Variants in SYT2 observed in about 807,000 individuals in gnomAD.
SYT2 encodes the protein synaptotagmin 2.
SYT2 carries 15 observed loss-of-function variants against 39.9 expected under a neutral mutation model. The observed-to-expected ratio is 0.38, with a 90% confidence interval of 0.25 to 0.58. The LOEUF is 0.58. Ranked by LOEUF, SYT2 falls within the 20% of genes least tolerant of loss-of-function variation. The pLI is 0.70. For synonymous variants in SYT2, 181 were observed against 204.5 expected (o/e 0.89, Z 0.98); for missense variants, 389 against 530.3 (o/e 0.73, Z 2.62).
At position 202,596,199 on chromosome 1, in the gene SYT2, G is replaced by T. The variant is rs982947095; in HGVS notation, c.*558C>A. ...ACTTTACTGTCCATGGCTCATTCCA[G>T]GAATGAAGAGAGATGCTCAAAGAGA... On this transcript the variant is annotated 3_prime_UTR_variant, in exon 9 of 9. Coordinates refer to ENST00000367268, the MANE Select transcript of SYT2 (RefSeq NM_177402.5). 6.6e-6 allele frequency: 1 copy of T among 151,130 alleles called. No homozygotes were observed. Among genetic ancestry groups the T allele is most frequent in the African/African-American group, 2.4e-5 (1 of 40,938 alleles). 9.4% of individuals were successfully genotyped at this position (151,130 alleles called of 1,614,324 possible).
chr1:202,653,207 C>G (rs1692222938), intron 1 of SYT2, among the ~76,000 whole-genome samples: 1 of 152,166 alleles, frequency 6.6e-6, no homozygotes, highest in Non-Finnish European at 1.5e-5. Context: ...TCTCATGCCT[C>G]TGTCCCCAAC....
chr1:202,627,357 TG>T, intron 1 of SYT2: 3 of 678,004 alleles, frequency 4.4e-6, no homozygotes, highest in Non-Finnish European at 5.5e-6. Context: ...ATGGAGGAGG[TG>T]GGGGATCTCA....
At chr1:202,678,118 A>G (rs887715218) in intron 1 of SYT2, among the ~76,000 whole-genome samples, 1 of 152,024 alleles carries the variant, frequency 6.6e-6, no homozygotes, top group Non-Finnish European at 1.5e-5. Flanking sequence ...GACTAAAAAT[A>G]CAATAATTAG....
chr1:202,665,215 GACA>G (rs1275646750), intron 1 of SYT2, among the ~76,000 whole-genome samples: 3 of 152,200 alleles, frequency 2.0e-5, no homozygotes, highest in Admixed American at 6.5e-5. Context: ...GGGCAACAAT[GACA>G]ACAACAGAAC....
Position 202,648,570 on chromosome 1 carries a change from G to A in SYT2, c.-17-42781C>T, listed in dbSNP as rs191636647. Reference sequence around the variant, plus strand: ...GGACCAGACAGTTTATATATGTTGCGTGGGGCAAGGCATCCAGGATGGGTT... The same window carrying A: ...GGACCAGACAGTTTATATATGTTGCATGGGGCAAGGCATCCAGGATGGGTT... On this transcript the variant is annotated intron_variant, in intron 1 of 8. Coordinates refer to ENST00000367268, the MANE Select transcript of SYT2 (RefSeq NM_177402.5). 2.4e-3 allele frequency among the ~76,000 whole-genome samples: 371 copies of A among 152,254 alleles called. 1 individual carries two copies. Among genetic ancestry groups the A allele is most frequent in the South Asian group, 0.021 (103 of 4,818 alleles).
intron 1 of SYT2, among the ~76,000 whole-genome samples, chr1:202,645,260 ACT>A (rs1692057424): frequency 6.6e-6 from 1 of 152,160 alleles, no homozygotes; most frequent in South Asian, 2.1e-4. Context: ...GTCATCCCAC[ACT>A]GAGGAGGGGA....
intron 1 of SYT2, among the ~76,000 whole-genome samples, chr1:202,688,039 G>A (rs569123536): frequency 3.9e-5 from 6 of 152,276 alleles, no homozygotes; most frequent in Admixed American, 2.6e-4. Context: ...TCTGGTCAGC[G>A]CAGCCCCTCC....
intron 1 of SYT2, among the ~76,000 whole-genome samples, chr1:202,693,581 G>T (rs1479949705): frequency 6.6e-6 from 1 of 152,184 alleles, no homozygotes; most frequent in African/African-American, 2.4e-5. Context: ...ATGTGTAACA[G>T]GATTTGGGGC....
Position 202,670,897 on chromosome 1 carries a change from T to A in SYT2, c.-18+39361A>T, listed in dbSNP as rs1223134816. Among the ~76,000 whole-genome samples the A allele has an allele frequency of 2.0e-5, 3 of 152,232 alleles. No individual in the cohort carries two copies. The South Asian group carries it at 6.2e-4, about 32-fold the overall frequency. ...TGATAAAACAAGGAGAATAACTGAT[T>A]TAACGACCTGTGGATGGGGCTGGAT... On this transcript the variant is annotated intron_variant, in intron 1 of 8. Transcript: ENST00000367268.
At chr1:202,700,176 A>G (rs1654077144) in intron 1 of SYT2, among the ~76,000 whole-genome samples, 1 of 152,116 alleles carries the variant, frequency 6.6e-6, no homozygotes, top group Non-Finnish European at 1.5e-5. Context: ...CCCAGAGGCC[A>G]CCTGGAAGCC....
intron 1 of SYT2, among the ~76,000 whole-genome samples, chr1:202,685,224 C>T (rs1036712016): frequency 6.6e-6 from 1 of 152,178 alleles, no homozygotes; most frequent in Non-Finnish European, 1.5e-5. Context: ...ATTCATCATT[C>T]TCTTGGTACA....
At chr1:202,687,984 C>T (rs1653715607) in intron 1 of SYT2, among the ~76,000 whole-genome samples, 1 of 152,136 alleles carries the variant, frequency 6.6e-6, no homozygotes, top group South Asian at 2.1e-4. Context: ...GGGATGGAGG[C>T]GGTGCCCTGG....
Position 202,605,505 on chromosome 1 carries a change from G to A in SYT2, c.178+90C>T. 6 of 1,276,912 alleles carry A rather than the reference G, an allele frequency of 4.7e-6. No individual in the cohort carries two copies. In the South Asian group the frequency reaches 8.4e-5, roughly 18 times the overall value. 79.1% of individuals were successfully genotyped at this position (1,276,912 alleles called of 1,614,324 possible). A position where few individuals can be genotyped will look rare whatever the true frequency, so the allele number is the denominator to read the frequency against. On this transcript the variant is annotated intron_variant, in intron 2 of 8. Transcript: ENST00000367268. Reference sequence around the variant, plus strand: ...AATCTAAGCATTAGGAAAGAGCCCAGCCAATCACATCCCAGTGGTATCCCC... The same window carrying A: ...AATCTAAGCATTAGGAAAGAGCCCAACCAATCACATCCCAGTGGTATCCCC...
At chr1:202,686,712 G>A (rs1311582016) in intron 1 of SYT2, among the ~76,000 whole-genome samples, 1 of 152,088 alleles carries the variant, frequency 6.6e-6, no homozygotes, top group South Asian at 2.1e-4. Flanking sequence ...TCCCAAACAG[G>A]CCCCTGATGC....
At chr1:202,610,904 T>G (rs1264377090) in intron 1 of SYT2, among the ~76,000 whole-genome samples, 3 of 151,964 alleles carry the variant, frequency 2.0e-5, no homozygotes, top group Non-Finnish European at 4.4e-5. Context: ...CTGCCCAAGG[T>G]AATTTATAGA....
At chr1:202,674,080 G>A (rs4950867) in intron 1 of SYT2, among the ~76,000 whole-genome samples, 79,262 of 151,908 alleles carry the variant, frequency 0.52, 23,516 homozygotes, top group East Asian at 0.77. Flanking sequence ...CTGAACAATG[G>A]GAGAGCACAG....
chr1:202,668,446 A>G (rs1692521211), intron 1 of SYT2, among the ~76,000 whole-genome samples: 1 of 152,200 alleles, frequency 6.6e-6, no homozygotes, highest in Admixed American at 6.5e-5. Flanking sequence ...GTAGTTTGTT[A>G]AGAGTGAAAA....
intron 1 of SYT2, among the ~76,000 whole-genome samples, chr1:202,659,601 C>T (rs572611413): frequency 1.3e-5 from 2 of 152,356 alleles, no homozygotes; most frequent in African/African-American, 2.4e-5. Flanking sequence ...CTGCAGTCTC[C>T]GTCCTGGCTC....
chr1:202,596,572 ACT>A lies in SYT2; in HGVS notation c.*183_*184del, dbSNP rs938767917. 4.0e-5 allele frequency: 24 copies of A among 601,436 alleles called. No homozygotes were observed. Among genetic ancestry groups the A allele is most frequent in the African/African-American group, 3.9e-4 (21 of 53,536 alleles). The allele number at this position is 601,436 out of a possible 1,614,324, so 37.3% of individuals were successfully genotyped here. On this transcript the variant is annotated 3_prime_UTR_variant, in exon 9 of 9. Coordinates refer to ENST00000367268, the MANE Select transcript of SYT2 (RefSeq NM_177402.5). Reference sequence around the variant, plus strand: ...AGGCTTCTCTTTCACCTCTTAGGGGACTCTCCTCACACAGCCATCAAAGGGAA... The same window carrying A: ...AGGCTTCTCTTTCACCTCTTAGGGGACTCCTCACACAGCCATCAAAGGGAA...
Sources: gnomAD v4.1 joint callset for allele counts (sites outside exome capture counted in the v4.1 genomes callset) on GRCh38, gnomAD v4.1.1 for gene constraint, MANE v1.5 for transcripts, NCBI Gene and HGNC (gene_info 2026-07-23, HGNC 2026-07-21) for gene names.